The following EPS15L1 variants were observed in gnomAD, a reference collection of about 807,000 sequenced individuals.
EPS15L1 encodes epidermal growth factor receptor pathway substrate 15 like 1, also known as epidermal growth factor receptor substrate 15-like 1.
EPS15L1 carries 43 observed loss-of-function variants against 117.1 expected under a neutral mutation model. That is an observed-to-expected ratio of 0.37 (90% CI 0.29 to 0.47). The LOEUF (loss-of-function observed/expected upper bound fraction) is 0.47, where lower values mean the gene tolerates loss of function less well. EPS15L1 is among the 20% of genes least tolerant of loss of function. The pLI, the probability that EPS15L1 is intolerant of heterozygous loss-of-function variation, is 0.99. For missense variants in EPS15L1, 981 were observed against 1,164.0 expected (o/e 0.84, Z 2.29); for synonymous variants, 459 against 470.5 (o/e 0.98, Z 0.32).
At position 16,355,518 on chromosome 19, in the gene EPS15L1, G is replaced by C. The variant is rs1190109860; in HGVS notation, c.*187C>G. ...TGCAGAAGTGGTGGCCAAGGCCTCT[G>C]TAAGGGCTTCCCCAGGAGATGTGAC... On this transcript the variant is annotated 3_prime_UTR_variant, in exon 24 of 24. Coordinates refer to ENST00000455140, the MANE Select transcript of EPS15L1 (RefSeq NM_001258374.3). 2 of 723,398 alleles carry C rather than the reference G, an allele frequency of 2.8e-6. No individual in the cohort carries two copies. Among genetic ancestry groups the C allele is most frequent in the Non-Finnish European group, 4.4e-6 (2 of 459,058 alleles). 44.8% of individuals were successfully genotyped at this position (723,398 alleles called of 1,614,324 possible). A position where few individuals can be genotyped will look rare whatever the true frequency, so the allele number is the denominator to read the frequency against.
intron 1 of EPS15L1, among the ~76,000 whole-genome samples, chr19:16,457,870 G>T (rs920289825): frequency 6.6e-6 from 1 of 151,932 alleles, no homozygotes; most frequent in African/African-American, 2.4e-5. Context: ...AGACTGGGGG[G>T]GAGGGGGGAA....
At chr19:16,379,567 C>T (rs144643552) in intron 21 of EPS15L1, among the ~76,000 whole-genome samples, 79 of 152,392 alleles carry the variant, frequency 5.2e-4, no homozygotes, top group Non-Finnish European at 5.1e-4. Flanking sequence ...ATGGCTGCCT[C>T]TGCCTCCAGC....
intron 10 of EPS15L1, 129 bp from the exon 11 acceptor site, chr19:16,418,233 A>AG: frequency 1.0e-6 from 1 of 996,638 alleles, no homozygotes. Context: ...GGCAAGCCCC[A>AG]GCTCCTTCCC....
chr19:16,372,545 T>C (rs1395921642), intron 22 of EPS15L1, among the ~76,000 whole-genome samples: 1 of 152,168 alleles, frequency 6.6e-6, no homozygotes, highest in Non-Finnish European at 1.5e-5. Flanking sequence ...ACGGAAAAGA[T>C]TTCCACTAAA....
chr19:16,389,809 ACAATACTAACCT>A (rs2092458485), intron 19 of EPS15L1, among the ~76,000 whole-genome samples: 1 of 152,206 alleles, frequency 6.6e-6, no homozygotes, highest in Non-Finnish European at 1.5e-5. Context: ...ATGAGATAAT[ACAATACTAACCT>A]CAAGTAGACT....
At chr19:16,449,074 G>C (rs1308674969) in intron 1 of EPS15L1, among the ~76,000 whole-genome samples, 3 of 151,790 alleles carry the variant, frequency 2.0e-5, no homozygotes, top group Non-Finnish European at 4.4e-5. Flanking sequence ...AGGAGTTCCA[G>C]ACCAGCCTGG....
In EPS15L1 at chr19:16,405,139, CT is replaced by C. The variant is rs2092643636; in HGVS notation, c.1267-391del. Among the ~76,000 whole-genome samples the C allele has an allele frequency of 6.6e-6, 1 of 152,192 alleles. No homozygotes were observed. The highest frequency in any genetic ancestry group is 2.1e-4 in the South Asian group (1 of 4,832). ...GGTCACAGGGAAACTACAGTCACAC[CT>C]TGTGGGCAGGGAAGATGCCCACAAA... is the stretch of plus-strand genomic sequence containing the variant. On this transcript the variant is annotated intron_variant, in intron 13 of 23. Transcript: ENST00000455140. The surrounding 1 kb of genome is among the most constrained non-coding windows in gnomAD (Gnocchi z 4.0).
intron 21 of EPS15L1, among the ~76,000 whole-genome samples, chr19:16,379,640 T>A (rs1018835765): frequency 1.3e-5 from 2 of 152,194 alleles, no homozygotes; most frequent in Non-Finnish European, 2.9e-5. Flanking sequence ...CACGGCCATC[T>A]AGGCCTTCAG....
chr19:16,445,847 G>A (rs995056556), intron 1 of EPS15L1, among the ~76,000 whole-genome samples: 10 of 152,214 alleles, frequency 6.6e-5, no homozygotes, highest in Non-Finnish European at 1.2e-4. Flanking sequence ...CAGGATGGCC[G>A]TAGGAATGGA....
At chr19:16,432,451 C>T (rs1364141185) in intron 7 of EPS15L1, among the ~76,000 whole-genome samples, 3 of 152,178 alleles carry the variant, frequency 2.0e-5, no homozygotes, top group Non-Finnish European at 4.4e-5. Flanking sequence ...GCCTGTAGTC[C>T]CAGCTACTTG....
chr19:16,441,081 G>T, intron 3 of EPS15L1, 172 bp from the exon 4 acceptor site: 1 of 697,708 alleles, frequency 1.4e-6, no homozygotes, highest in South Asian at 1.6e-5. Context: ...ATCTGCCCAG[G>T]GGCGCACAGC....
At chr19:16,441,632 A>G (rs1013192062) in intron 3 of EPS15L1, 3 of 199,608 alleles carry the variant, frequency 1.5e-5, no homozygotes, top group African/African-American at 7.1e-5. Flanking sequence ...TCTGTCTCAA[A>G]AAAAAAAAAA....
At chr19:16,366,653 G>T (rs1599527116) in intron 22 of EPS15L1, among the ~76,000 whole-genome samples, 1 of 152,104 alleles carries the variant, frequency 6.6e-6, no homozygotes, top group East Asian at 1.9e-4. Context: ...CAACAACAAC[G>T]GTTTTTTTCT....
Position 16,421,516 on chromosome 19 carries a change from T to G in EPS15L1, c.793-40A>C, listed in dbSNP as rs370407737. On this transcript the variant is annotated intron_variant, in intron 9 of 23. Transcript: ENST00000455140. ...GGCAAAACAGTTAATCTGGAAGCTT[T>G]TTATGACCCCCAGACACATGCTTTT... 3.0e-5 allele frequency: 47 copies of G among 1,590,106 alleles called. No homozygotes were observed. The African/African-American group carries it at 4.6e-4, about 15-fold the overall frequency.
intron 19 of EPS15L1, among the ~76,000 whole-genome samples, chr19:16,387,852 G>C (rs2092436576): frequency 6.6e-6 from 1 of 152,072 alleles, no homozygotes; most frequent in African/African-American, 2.4e-5. Context: ...AAACAGAGCA[G>C]TAGAAATTAC....
Position 16,471,067 on chromosome 19 carries a change from A to AT in EPS15L1, c.33+845dup, listed in dbSNP as rs1194000215. On this transcript the variant is annotated intron_variant, in intron 1 of 23. Transcript: ENST00000455140. The surrounding 1 kb of genome is among the most constrained non-coding windows in gnomAD (Gnocchi z 4.8). The stretch of plus-strand genomic sequence containing the variant: ...CTTAATCACCATGCTGTGCTAGATC[A>AT]TTCTAGCAAAATGCTTATATGGTGC... 6.6e-6 allele frequency among the ~76,000 whole-genome samples: 1 copy of AT among 152,210 alleles called. No individual in the cohort carries two copies. Among genetic ancestry groups the AT allele is most frequent in the African/African-American group, 2.4e-5 (1 of 41,458 alleles).
chr19:16,447,094 T>A (rs979778899), intron 1 of EPS15L1, among the ~76,000 whole-genome samples: 2 of 152,160 alleles, frequency 1.3e-5, no homozygotes, highest in Admixed American at 6.5e-5. Flanking sequence ...CATCACCCAA[T>A]GTGAGCCCAG....
chr19:16,367,516 A>C (rs528842596), intron 22 of EPS15L1, among the ~76,000 whole-genome samples: 5 of 149,318 alleles, frequency 3.3e-5, no homozygotes, highest in East Asian at 1.9e-4. Context: ...AAAAAAAAAA[A>C]AAAAAAAAAA....
At chr19:16,442,799 T>A (rs2093045625) in intron 1 of EPS15L1, among the ~76,000 whole-genome samples, 1 of 152,188 alleles carries the variant, frequency 6.6e-6, no homozygotes, top group African/African-American at 2.4e-5. Context: ...AAGTGCAGTG[T>A]CCTCAGCTTG....
Sources: gnomAD v4.1 joint callset for allele counts (sites outside exome capture counted in the v4.1 genomes callset) on GRCh38, gnomAD v4.1.1 for gene constraint, Gnocchi (gnomAD v3.1) non-coding constraint, MANE v1.5 for transcripts, NCBI Gene and HGNC (gene_info 2026-07-23, HGNC 2026-07-21) for gene names.